The following KLRG1 variants were observed in gnomAD, a reference collection of about 807,000 sequenced individuals.
KLRG1 encodes killer cell lectin like receptor G1.
KLRG1 carries 16 observed loss-of-function variants against 21.8 expected under a neutral mutation model. The ratio of observed to expected loss-of-function variants is 0.73; its 90% CI spans 0.50 to 1.11. KLRG1 has a LOEUF of 1.11. Among genes scored for constraint, KLRG1 ranks in the 50% most tolerant of loss-of-function variants. The pLI, the probability that KLRG1 is intolerant of heterozygous loss-of-function variation, is 0.00. For missense variants in KLRG1, 173 were observed against 218.3 expected (o/e 0.79, Z 1.31); for synonymous variants, 69 against 75.9 (o/e 0.91, Z 0.47).
At chr12:9,113,368 C>A in the KLRG1 span, 2 of 1,613,160 alleles carry the variant, frequency 1.2e-6, no homozygotes, top group Admixed American at 3.3e-5. Context: ...ACAGCGAAGG[C>A]GACACAGTGG....
At chr12:9,157,395 T>G in the KLRG1 span, 1 of 1,580,336 alleles carries the variant, frequency 6.3e-7, no homozygotes, top group Non-Finnish European at 8.6e-7. Context: ...CTAGGGTGAA[T>G]AGAGGGCAGA....
chr12:8,977,386 T>G (rs1565540764), intron 1 of KLRG1, among the ~76,000 whole-genome samples: 1 of 149,492 alleles, frequency 6.7e-6, no homozygotes, highest in Non-Finnish European at 1.5e-5. Flanking sequence ...TTTTTTTTTT[T>G]TTTATTTGTA....
chr12:8,972,439 G>A (rs1412631702), intron 1 of KLRG1, among the ~76,000 whole-genome samples: 3 of 152,328 alleles, frequency 2.0e-5, no homozygotes, highest in Middle Eastern at 3.4e-3. Flanking sequence ...GATTACAGGC[G>A]TGAGCCACTG....
chr12:9,166,147 C>A, the KLRG1 span: 7 of 1,613,894 alleles, frequency 4.3e-6, no homozygotes, highest in Non-Finnish European at 5.9e-6. Context: ...TTAAGGGTAT[C>A]ACATTATATG....
the KLRG1 span, among the ~76,000 whole-genome samples, chr12:9,212,233 G>A: frequency 3.3e-4 from 50 of 152,318 alleles, no homozygotes; most frequent in African/African-American, 1.2e-3. Context: ...CCCTGAGTGG[G>A]CAGGCCTGCT....
the KLRG1 span, chr12:9,158,459 A>G: frequency 6.2e-7 from 1 of 1,613,984 alleles, no homozygotes; most frequent in South Asian, 1.1e-5. Flanking sequence ...AGCTCCTGAA[A>G]CAGCCATTGT....
chr12:9,023,803 G>A, the KLRG1 span, among the ~76,000 whole-genome samples: 1 of 151,898 alleles, frequency 6.6e-6, no homozygotes, highest in African/African-American at 2.4e-5. Flanking sequence ...TGATCCTCTA[G>A]TCTTGGCCTC....
At chr12:9,117,738 C>G in the KLRG1 span, among the ~76,000 whole-genome samples, 1 of 152,040 alleles carries the variant, frequency 6.6e-6, no homozygotes, top group Non-Finnish European at 1.5e-5. Context: ...TGTGATCGCC[C>G]TGTGTAATTT....
At chr12:9,154,742 G>A in the KLRG1 span, 1 of 1,614,152 alleles carries the variant, frequency 6.2e-7, no homozygotes, top group South Asian at 1.1e-5. Context: ...GGAGCACATA[G>A]GATGTCATCT....
chr12:9,080,682 A>G, the KLRG1 span, among the ~76,000 whole-genome samples: 3 of 152,234 alleles, frequency 2.0e-5, no homozygotes, highest in Admixed American at 2.0e-4. Context: ...TGGAAAACCT[A>G]GAAAATTGAG....
At chr12:9,152,345 A>T in the KLRG1 span, 3 of 1,556,544 alleles carry the variant, frequency 1.9e-6, no homozygotes, top group African/African-American at 2.7e-5. Context: ...TTAGGGTTTT[A>T]TACGTGAAAG....
At chr12:9,158,422 T>A in the KLRG1 span, 2 of 1,614,048 alleles carry the variant, frequency 1.2e-6, no homozygotes, top group African/African-American at 2.7e-5. Context: ...CAGTTCACCT[T>A]TATGGCATTG....
At chr12:9,090,645 A>G in the KLRG1 span, 1 of 691,826 alleles carries the variant, frequency 1.4e-6, no homozygotes. Context: ...GTGGATCTTA[A>G]TGTATCAGAT....
chr12:9,016,884 T>C, the KLRG1 span, among the ~76,000 whole-genome samples: 1 of 152,040 alleles, frequency 6.6e-6, no homozygotes, highest in Admixed American at 6.6e-5. Flanking sequence ...AAAGTGCTGG[T>C]ATTACAGGCG....
At chr12:9,187,033 G>A in the KLRG1 span, among the ~76,000 whole-genome samples, 2 of 142,952 alleles carry the variant, frequency 1.4e-5, no homozygotes, top group Non-Finnish European at 3.0e-5. Flanking sequence ...AGCAGGGGTT[G>A]CAATACTAAT....
the KLRG1 span, among the ~76,000 whole-genome samples, chr12:9,046,278 T>C: frequency 6.6e-6 from 1 of 152,128 alleles, no homozygotes; most frequent in Non-Finnish European, 1.5e-5. Flanking sequence ...ATGAAAAGTA[T>C]AATATACACA....
At chr12:9,015,984 A>G in the KLRG1 span, among the ~76,000 whole-genome samples, 1 of 152,192 alleles carries the variant, frequency 6.6e-6, no homozygotes, top group Non-Finnish European at 1.5e-5. Flanking sequence ...ACATAATACC[A>G]AAATCTATGG....
chr12:9,079,855 A>T, the KLRG1 span: 2 of 1,481,770 alleles, frequency 1.3e-6, no homozygotes, highest in Non-Finnish European at 9.0e-7. Flanking sequence ...AAGCTTGGAG[A>T]TTATCATCTA....
chr12:9,179,148 A>G, the KLRG1 span, among the ~76,000 whole-genome samples: 46 of 152,322 alleles, frequency 3.0e-4, no homozygotes, highest in Middle Eastern at 3.4e-3. Context: ...TCCAAACACG[A>G]GTAATCTAGT....
Sources: gnomAD v4.1 joint callset for allele counts (sites outside exome capture counted in the v4.1 genomes callset) on GRCh38, gnomAD v4.1.1 for gene constraint, MANE v1.5 for transcripts, NCBI Gene and HGNC (gene_info 2026-07-23, HGNC 2026-07-21) for gene names.